Variants in PCDHA5 observed in about 807,000 individuals in gnomAD.
PCDHA5 encodes the protein protocadherin alpha-5.
PCDHA5 carries 43 observed loss-of-function variants against 61.6 expected under a neutral mutation model. That is an observed-to-expected ratio of 0.70 (90% confidence interval 0.55 to 0.90). PCDHA5 has a LOEUF of 0.90. PCDHA5 is among the 40% of genes least tolerant of loss of function. The pLI is 0.00. For synonymous variants in PCDHA5, 627 were observed against 543.9 expected, an observed-to-expected ratio of 1.15 and a Z score of -2.13; for missense variants, 1,298 against 1,222.7, an observed-to-expected ratio of 1.06 and a Z score of -0.92.
At chr5:140,974,240 A>G (rs1554235899) in intron 1 of PCDHA5, among the ~76,000 whole-genome samples, 1 of 152,188 alleles carries the variant, frequency 6.6e-6, no homozygotes, top group African/African-American at 2.4e-5. Context: ...CTTGGCATAT[A>G]AGCACCATCA....
At chr5:140,942,821 G>A (rs2093373988) in intron 1 of PCDHA5, among the ~76,000 whole-genome samples, 1 of 151,968 alleles carries the variant, frequency 6.6e-6, no homozygotes, top group African/African-American at 2.4e-5. Flanking sequence ...GTTGGATTTG[G>A]CCCTGTGTCA....
At chr5:140,992,187 G>C (rs1395618041) in intron 3 of PCDHA5, among the ~76,000 whole-genome samples, 1 of 152,118 alleles carries the variant, frequency 6.6e-6, no homozygotes, top group Non-Finnish European at 1.5e-5. Flanking sequence ...CATGCTTTCA[G>C]TGATCTATCC....
In PCDHA5 at chr5:140,821,816, T is replaced by A; in HGVS notation, c.41T>A (p.Leu14Gln). ...SRRGSLGSRL[L>Q]LLWLLLAYWK... ...AGAGGAAGTCTGGGATCCCGGCTCC[T>A]GCTGCTCTGGCTTCTCCTTGCCTAC... The change falls in exon 1 of 4, where the codon CTG becomes CAG. Residue 14 changes from leucine to glutamine, a missense_variant. Transcript: ENST00000529859. 1 of 1,613,984 alleles carries A rather than the reference T, an allele frequency of 6.2e-7. No homozygotes were observed. Among genetic ancestry groups the A allele is most frequent in the Non-Finnish European group, 8.5e-7 (1 of 1,179,940 alleles).
chr5:140,980,021 A>C (rs1472439975), intron 2 of PCDHA5, among the ~76,000 whole-genome samples: 2 of 152,248 alleles, frequency 1.3e-5, no homozygotes. Context: ...AAATGAGCAG[A>C]AATCATTACA....
chr5:140,976,556 T>G (rs2096722872), intron 1 of PCDHA5, among the ~76,000 whole-genome samples: 1 of 151,920 alleles, frequency 6.6e-6, no homozygotes, highest in African/African-American at 2.4e-5. Flanking sequence ...ATCTCATAAA[T>G]AAATAAATAA....
At chr5:140,846,919 T>C (rs1554141550) in intron 1 of PCDHA5, among the ~76,000 whole-genome samples, 1 of 149,698 alleles carries the variant, frequency 6.7e-6, no homozygotes, top group African/African-American at 2.4e-5. Context: ...CATTTCCTAT[T>C]TGAATTTTTG....
chr5:140,863,224 G>A, intron 1 of PCDHA5: 2 of 1,143,744 alleles, frequency 1.7e-6, no homozygotes, highest in Non-Finnish European at 2.5e-6. Context: ...AGCGAGGAAG[G>A]TCCCATCGCG....
At chr5:140,989,996 A>G (rs1554251207) in intron 3 of PCDHA5, among the ~76,000 whole-genome samples, 1 of 152,144 alleles carries the variant, frequency 6.6e-6, no homozygotes, top group Non-Finnish European at 1.5e-5. Context: ...GAAATTGTCT[A>G]TCTCCAAGGG....
At chr5:140,826,611 A>G (rs1466562195) in intron 1 of PCDHA5, among the ~76,000 whole-genome samples, 1 of 152,158 alleles carries the variant, frequency 6.6e-6, no homozygotes, top group Non-Finnish European at 1.5e-5. Flanking sequence ...ATTAAGGGCG[A>G]AGTTGATATT....
At chr5:140,858,485 T>G (rs2045446148) in intron 1 of PCDHA5, 1 of 1,503,010 alleles carries the variant, frequency 6.7e-7, no homozygotes, top group Non-Finnish European at 9.1e-7. Flanking sequence ...GAATAATATT[T>G]TCTCTTACCG....
At chr5:140,876,166 G>A (rs1554168317) in intron 1 of PCDHA5, 4 of 1,613,964 alleles carry the variant, frequency 2.5e-6, no homozygotes, top group Middle Eastern at 3.3e-4. Flanking sequence ...TCAAATAACC[G>A]TCCTGGATGT....
chr5:140,959,118 C>T (rs781848896), intron 1 of PCDHA5, among the ~76,000 whole-genome samples: 8 of 151,838 alleles, frequency 5.3e-5, no homozygotes, highest in Non-Finnish European at 1.0e-4. Context: ...CGAAGGTGGG[C>T]GAGGTGAGCC....
intron 1 of PCDHA5, among the ~76,000 whole-genome samples, chr5:140,974,807 A>T (rs2096641510): frequency 6.6e-6 from 1 of 152,202 alleles, no homozygotes; most frequent in Admixed American, 6.5e-5. Context: ...ATATACTAGA[A>T]GACCAATATG....
At chr5:140,984,788 T>C (rs2097121100) in intron 3 of PCDHA5, among the ~76,000 whole-genome samples, 1 of 152,292 alleles carries the variant, frequency 6.6e-6, no homozygotes, top group Non-Finnish European at 1.5e-5. Context: ...TGGGTGAGCA[T>C]AGACAAACTG....
chr5:140,847,960 C>T (rs1781264454), intron 1 of PCDHA5: 1 of 152,930 alleles, frequency 6.5e-6, no homozygotes. Context: ...ACACTAGAAT[C>T]CTATTTCGAG....
In PCDHA5 at chr5:140,993,460, T is replaced by TCCCA. The variant is rs1554253699; in HGVS notation, c.2500+10898_2500+10899insCCAC. On this transcript the variant is annotated intron_variant, in intron 3 of 3. Transcript: ENST00000529859. Reference sequence around the variant, plus strand: ...TTCATTCCTGTTCTCCTTCTTTCTTTCTCACACACACACACACACACACAC... The same window carrying TCCCA: ...TTCATTCCTGTTCTCCTTCTTTCTTTCCCACTCACACACACACACACACACACAC... Among the ~76,000 whole-genome samples, 30 of 104,506 alleles carry TCCCA rather than the reference T, an allele frequency of 2.9e-4. 1 individual carries two copies. The highest frequency in any genetic ancestry group is 1.1e-3 in the African/African-American group (29 of 25,484). The allele number at this position is 104,506 out of a possible 152,430, so 68.6% of individuals were successfully genotyped here.
At chr5:140,966,744 T>A in intron 1 of PCDHA5, 1 of 1,424,124 alleles carries the variant, frequency 7.0e-7, no homozygotes. Flanking sequence ...CCTGCCCGGC[T>A]GCCTCCGCCG....
chr5:141,006,794 A>G (rs1416356472), intron 3 of PCDHA5, among the ~76,000 whole-genome samples: 1 of 152,160 alleles, frequency 6.6e-6, no homozygotes, highest in African/African-American at 2.4e-5. Context: ...ATTAGCTTTG[A>G]ACTTTCTGGC....
intron 3 of PCDHA5, among the ~76,000 whole-genome samples, chr5:140,997,683 T>C (rs782444752): frequency 6.6e-6 from 1 of 152,044 alleles, no homozygotes; most frequent in Non-Finnish European, 1.5e-5. Context: ...TGTGTGTGTG[T>C]GTGTGTGTGT....
Sources: gnomAD v4.1 joint callset for allele counts (sites outside exome capture counted in the v4.1 genomes callset) on GRCh38, gnomAD v4.1.1 for gene constraint, MANE v1.5 for transcripts, NCBI Gene and HGNC (gene_info 2026-07-23, HGNC 2026-07-21) for gene names.